Variants in CNTNAP5 observed in about 807,000 individuals in gnomAD.
CNTNAP5 encodes the protein contactin associated protein family member 5.
CNTNAP5 carries 72 observed loss-of-function variants against 150.2 expected under a neutral mutation model. That is an observed-to-expected ratio of 0.48 (90% CI 0.40 to 0.58). The LOEUF (loss-of-function observed/expected upper bound fraction) is 0.58, where lower values mean the gene tolerates loss of function less well. CNTNAP5 is among the 20% of genes least tolerant of loss of function. The pLI is 0.00. For synonymous variants in CNTNAP5, 672 were observed against 619.8 expected (o/e 1.08, Z -1.25); for missense variants, 1,636 against 1,626.2 (o/e 1.01, Z -0.10).
At chr2:124,247,196 A>G (rs567642779) in intron 3 of CNTNAP5, among the ~76,000 whole-genome samples, 17 of 152,154 alleles carry the variant, frequency 1.1e-4, no homozygotes, top group Non-Finnish European at 2.1e-4. Context: ...AGTATTGATC[A>G]CTGTTTGATA....
chr2:124,529,359 A>G (rs1374857785), intron 10 of CNTNAP5, among the ~76,000 whole-genome samples: 1 of 152,206 alleles, frequency 6.6e-6, no homozygotes, highest in Non-Finnish European at 1.5e-5. Flanking sequence ...AGTCATTGCC[A>G]TGTACTCTGC....
intron 16 of CNTNAP5, among the ~76,000 whole-genome samples, chr2:124,768,061 C>T (rs942426577): frequency 8.5e-5 from 13 of 152,130 alleles, no homozygotes; most frequent in Non-Finnish European, 1.5e-5. Flanking sequence ...GGCTAGCTTC[C>T]CCTGAAGCCC....
At chr2:124,613,662 C>A (rs1019060965) in intron 12 of CNTNAP5, among the ~76,000 whole-genome samples, 3 of 152,166 alleles carry the variant, frequency 2.0e-5, no homozygotes, top group African/African-American at 4.8e-5. Flanking sequence ...CCCTGGGGAA[C>A]GTTAGCTCCC....
chr2:124,489,651 A>G (rs140790398), intron 7 of CNTNAP5, among the ~76,000 whole-genome samples: 2 of 152,160 alleles, frequency 1.3e-5, no homozygotes, highest in African/African-American at 4.8e-5. Flanking sequence ...CTAAAACAAA[A>G]CTAAAATATA....
intron 1 of CNTNAP5, among the ~76,000 whole-genome samples, chr2:124,120,608 T>A (rs1683537694): frequency 1.3e-5 from 2 of 152,072 alleles, no homozygotes; most frequent in East Asian, 1.9e-4. Context: ...ATTCAACCTG[T>A]CCCAACCAAC....
At chr2:124,146,030 T>A (rs1336725219) in intron 1 of CNTNAP5, among the ~76,000 whole-genome samples, 1 of 152,074 alleles carries the variant, frequency 6.6e-6, no homozygotes, top group Admixed American at 6.5e-5. Flanking sequence ...GTGAGCAATA[T>A]TTTGTCTTAT....
chr2:124,186,905 A>T (rs905913751), intron 1 of CNTNAP5, among the ~76,000 whole-genome samples: 1 of 152,192 alleles, frequency 6.6e-6, no homozygotes, highest in Non-Finnish European at 1.5e-5. Flanking sequence ...CAGTGTGTTG[A>T]GTGCTCCTGG....
At chr2:124,886,818 A>G (rs1327460144) in intron 21 of CNTNAP5, among the ~76,000 whole-genome samples, 1 of 152,008 alleles carries the variant, frequency 6.6e-6, no homozygotes, top group Non-Finnish European at 1.5e-5. Flanking sequence ...CCTTACCTTT[A>G]TAACTGACAC....
intron 21 of CNTNAP5, among the ~76,000 whole-genome samples, chr2:124,892,295 T>C (rs1678209807): frequency 6.6e-6 from 1 of 152,132 alleles, no homozygotes; most frequent in African/African-American, 2.4e-5. Context: ...AATCAACAGC[T>C]GTACTAGAAG....
rs369172922 is a variant in CNTNAP5, at chr2:124,706,601, G to A, written c.2078-40628G>A. Among the ~76,000 whole-genome samples the A allele has an allele frequency of 2.7e-4, 41 of 151,852 alleles. 1 individual carries two copies. The East Asian group carries it at 4.3e-3, about 16-fold the overall frequency. ...ATCTCTATAAAATATACAAAAATTA[G>A]CGGCTCATGGTGGTACATGCCTGTA... On this transcript the variant is annotated intron_variant, in intron 13 of 23. Transcript: ENST00000682447.
At chr2:124,137,012 C>T (rs1271146895) in intron 1 of CNTNAP5, among the ~76,000 whole-genome samples, 1 of 151,746 alleles carries the variant, frequency 6.6e-6, no homozygotes, top group Non-Finnish European at 1.5e-5. Context: ...GGAGAAATTC[C>T]TCCCCTGAGT....
At chr2:124,518,858 G>A (rs1014093762) in intron 8 of CNTNAP5, among the ~76,000 whole-genome samples, 6 of 151,510 alleles carry the variant, frequency 4.0e-5, no homozygotes, top group African/African-American at 9.7e-5. Context: ...GCGTGGTGGC[G>A]GGTGCCTGTG....
chr2:124,371,640 CTT>C (rs1690529612), intron 3 of CNTNAP5, among the ~76,000 whole-genome samples: 1 of 152,008 alleles, frequency 6.6e-6, no homozygotes, highest in African/African-American at 2.4e-5. Context: ...CTGAAGCACT[CTT>C]AGAGAAATGT....
intron 1 of CNTNAP5, among the ~76,000 whole-genome samples, chr2:124,160,177 G>A (rs1424135739): frequency 6.6e-6 from 1 of 152,144 alleles, no homozygotes; most frequent in African/African-American, 2.4e-5. Context: ...AAAGGTATGA[G>A]AACCAGGAAC....
intron 1 of CNTNAP5, among the ~76,000 whole-genome samples, chr2:124,157,176 TTGCACC>T (rs1408319191): frequency 4.2e-5 from 3 of 71,078 alleles, no homozygotes; most frequent in Non-Finnish European, 1.1e-4. Context: ...GATTTGCAGG[TTGCACC>T]GTGAGTCTGG....
chr2:124,602,409 G>T (rs1697008072), intron 11 of CNTNAP5, among the ~76,000 whole-genome samples: 1 of 150,510 alleles, frequency 6.6e-6, no homozygotes, highest in Admixed American at 6.6e-5. Context: ...CTTCATTCAG[G>T]CTCAACAGTT....
intron 13 of CNTNAP5, among the ~76,000 whole-genome samples, chr2:124,660,958 A>AG (rs543152627): frequency 0.022 from 3,300 of 151,028 alleles, 64 homozygotes; most frequent in Middle Eastern, 0.034. Flanking sequence ...AAAAAAAAAA[A>AG]AAAAGAAAAA....
In CNTNAP5 at chr2:124,872,503, AT is replaced by A. The variant is rs574385022; in HGVS notation, c.3436+2754del. Among the ~76,000 whole-genome samples, 1,043 of 143,978 alleles carry A rather than the reference AT, an allele frequency of 7.2e-3. 9 individuals carry two copies. Among genetic ancestry groups the A allele is most frequent in the African/African-American group, 0.015 (599 of 39,952 alleles). 94.5% of individuals were successfully genotyped at this position (143,978 alleles called of 152,430 possible). On this transcript the variant is annotated intron_variant, in intron 21 of 23. Coordinates refer to ENST00000682447, the MANE Select transcript of CNTNAP5 (RefSeq NM_001367498.1). ...ATTAAGACACTCTCCTCAAAATAAGATTTTTTTTTTTTTAACTTCTGCCAGG... is the reference window on the plus strand; with the variant it reads ...ATTAAGACACTCTCCTCAAAATAAGATTTTTTTTTTTTAACTTCTGCCAGG...
intron 2 of CNTNAP5, among the ~76,000 whole-genome samples, chr2:124,238,592 C>T (rs938926866): frequency 9.2e-5 from 14 of 152,102 alleles, no homozygotes; most frequent in Admixed American, 6.6e-5. Context: ...GTGTAAACTT[C>T]TTTAAATATC....
Sources: gnomAD v4.1 joint callset for allele counts (sites outside exome capture counted in the v4.1 genomes callset) on GRCh38, gnomAD v4.1.1 for gene constraint, MANE v1.5 for transcripts, NCBI Gene and HGNC (gene_info 2026-07-23, HGNC 2026-07-21) for gene names.